Variants in RFX2 observed in about 807,000 individuals in gnomAD.
RFX2 encodes regulatory factor X2.
Under a neutral mutation model 87.8 loss-of-function variants are expected in RFX2, and 20 were observed. That is an observed-to-expected ratio of 0.23 (90% CI 0.16 to 0.33). RFX2 has a LOEUF of 0.33. RFX2 is among the 10% of genes least tolerant of loss of function. The pLI is 1.00. For synonymous variants in RFX2, 397 were observed against 431.3 expected, an observed-to-expected ratio of 0.92 and a Z score of 0.98; for missense variants, 767 against 1,012.3, an observed-to-expected ratio of 0.76 and a Z score of 3.29.
intron 1 of RFX2, among the ~76,000 whole-genome samples, chr19:6,059,734 C>G (rs1421087640): frequency 6.6e-6 from 1 of 151,592 alleles, no homozygotes; most frequent in East Asian, 1.9e-4. Flanking sequence ...TACACATATA[C>G]ACAAACACAC....
In RFX2 at chr19:6,010,209, G is replaced by A; in HGVS notation, c.942C>T (p.Gly314=). ...AQKTDSLGDS[G]SHSGLHSTPE... Reference sequence around the variant, plus strand: ...GAGTGCTGTGCAGGCCGCTGTGGGAGCCGCTGTCCCCGAGGCTGTCCGTCT... The same window carrying A: ...GAGTGCTGTGCAGGCCGCTGTGGGAACCGCTGTCCCCGAGGCTGTCCGTCT... The change falls in exon 9 of 18, where the codon GGC becomes GGT. Residue 314 remains glycine (G), a synonymous_variant. Transcript: ENST00000303657. This position sits in a 1 kb window ranked among gnomAD's most constrained non-coding sequence, Gnocchi z 5.0. The A allele has an allele frequency of 1.9e-6, 3 of 1,548,494 alleles. No individual in the cohort carries two copies. Among genetic ancestry groups the A allele is most frequent in the Non-Finnish European group, 2.6e-6 (3 of 1,146,986 alleles).
intron 1 of RFX2, among the ~76,000 whole-genome samples, chr19:6,085,632 G>A (rs2144869593): frequency 6.6e-6 from 1 of 152,250 alleles, no homozygotes; most frequent in Non-Finnish European, 1.5e-5. Context: ...TAATCCTTCT[G>A]TTTTTCCTTT....
Position 5,997,356 on chromosome 19 carries a change from C to G in RFX2, c.1860-143G>C, listed in dbSNP as rs1466112072. 2 of 975,122 alleles carry G rather than the reference C, an allele frequency of 2.1e-6. No homozygotes were observed. The highest frequency in any genetic ancestry group is 1.7e-5 in the African/African-American group (1 of 60,308). 60.4% of individuals were successfully genotyped at this position (975,122 alleles called of 1,614,324 possible). ...CTGAGTGATCCTAAGACGTGCAGGC[C>G]TACGCGGGGGCTGACGGGCTGCCGA... On this transcript the variant is annotated intron_variant, in intron 15 of 17. Transcript: ENST00000303657. The surrounding 1 kb of genome is among the most constrained non-coding windows in gnomAD (Gnocchi z 4.2).
chr19:6,037,846 A>C (rs2087045154), intron 5 of RFX2, among the ~76,000 whole-genome samples: 1 of 152,212 alleles, frequency 6.6e-6, no homozygotes, highest in Non-Finnish European at 1.5e-5. Context: ...CTCTGAAATA[A>C]ACCCACACAC....
At position 5,997,232 on chromosome 19, in the gene RFX2, A is replaced by G. The variant is rs2086425689; in HGVS notation, c.1860-19T>C. 6.2e-7 allele frequency: 1 copy of G among 1,604,234 alleles called. No homozygotes were observed. Among genetic ancestry groups the G allele is most frequent in the African/African-American group, 1.3e-5 (1 of 74,882 alleles). On this transcript the variant is annotated intron_variant, in intron 15 of 17. Coordinates refer to ENST00000303657, the MANE Select transcript of RFX2 (RefSeq NM_000635.4). This position sits in a 1 kb window ranked among gnomAD's most constrained non-coding sequence, Gnocchi z 4.2. ...CATGGAGCTGGGGACAAGCGGACAGAGGCTGGGGACCCTCAGGGGAGCATG... is the reference window on the plus strand; with the variant it reads ...CATGGAGCTGGGGACAAGCGGACAGGGGCTGGGGACCCTCAGGGGAGCATG...
chr19:6,107,294 T>TCAAA (rs796259195), intron 1 of RFX2, among the ~76,000 whole-genome samples: 89 of 145,978 alleles, frequency 6.1e-4, no homozygotes, highest in Admixed American at 7.6e-4. Context: ...AGACTCTGTC[T>TCAAA]CAAACAAACA....
chr19:6,008,461 C>T (rs1290910932), intron 9 of RFX2, among the ~76,000 whole-genome samples: 1 of 151,358 alleles, frequency 6.6e-6, no homozygotes, highest in African/African-American at 2.4e-5. Flanking sequence ...CAACCTCCAG[C>T]TCCTGGGATC....
rs571315602 is a variant in RFX2 at position 6,020,936 on chromosome 19, C to A, written c.598-4665G>T. 6.6e-6 allele frequency among the ~76,000 whole-genome samples: 1 copy of A among 152,172 alleles called. No individual in the cohort carries two copies. Among genetic ancestry groups the A allele is most frequent in the East Asian group, 1.9e-4 (1 of 5,194 alleles). ...ATCATTCCTTTTAAGGAAAAAAAATCCCGAAATGCCAGCGCCTCCCTCTCC... is the reference window on the plus strand; with the variant it reads ...ATCATTCCTTTTAAGGAAAAAAAATACCGAAATGCCAGCGCCTCCCTCTCC... On this transcript the variant is annotated intron_variant, in intron 6 of 17. Transcript: ENST00000303657. This position sits in a 1 kb window ranked among gnomAD's most constrained non-coding sequence, Gnocchi z 5.3.
In RFX2 at chr19:6,088,211, C is replaced by CTTTTT. The variant is rs1030226963; in HGVS notation, c.-9+22177_-9+22181dup. 7.2e-4 allele frequency among the ~76,000 whole-genome samples: 61 copies of CTTTTT among 84,404 alleles called. 1 individual carries two copies. Among genetic ancestry groups the CTTTTT allele is most frequent in the African/African-American group, 1.9e-3 (39 of 20,846 alleles). The allele number at this position is 84,404 out of a possible 152,430, so 55.4% of individuals were successfully genotyped here. On this transcript the variant is annotated intron_variant, in intron 1 of 17. Transcript: ENST00000303657. ...ACAGAGAAGGGCCAGGGCACTACAG[C>CTTTTT]TTTTTTTTTTTTTTTTTTTTTTTTT... is the stretch of plus-strand genomic sequence containing the variant.
At position 5,994,842 on chromosome 19, in the gene RFX2, C is replaced by T. The variant is rs750934370; in HGVS notation, c.2165G>A (p.Gly722Asp). 25 of 1,607,188 alleles carry T rather than the reference C, an allele frequency of 1.6e-5. No homozygotes were observed. Among genetic ancestry groups the T allele is most frequent in the South Asian group, 1.4e-4 (13 of 90,994 alleles). The change falls in exon 18 of 18, where the codon GGC becomes GAC. Residue 722 changes from glycine (G) to aspartate (D), a missense_variant. Physicochemically the swap from Gly to Asp is moderately conservative, Grantham distance 94. Transcript: ENST00000303657. ...AGGCGCCGGCCGGGGCTGCTAGATG[C>T]CCTGCAGGGAGTGGTTGGGGTCACT... ...ERSDPNHSLQ[G>D]I
intron 12 of RFX2, among the ~76,000 whole-genome samples, chr19:6,005,405 C>T (rs1157413518): frequency 6.6e-6 from 1 of 152,250 alleles, no homozygotes; most frequent in Non-Finnish European, 1.5e-5. Context: ...GGGGCATGGC[C>T]TGTGGTCCTG....
chr19:6,006,224 G>A (rs1188421146), intron 12 of RFX2, among the ~76,000 whole-genome samples: 2 of 152,170 alleles, frequency 1.3e-5, no homozygotes, highest in East Asian at 1.9e-4. Context: ...GCAGTGGTGC[G>A]ATCATAGCTT....
chr19:5,996,086 G>C (rs988137970), intron 16 of RFX2, among the ~76,000 whole-genome samples: 6 of 152,240 alleles, frequency 3.9e-5, no homozygotes, highest in Admixed American at 1.3e-4. Context: ...TACACGTTGC[G>C]GGGCCCTGGC....
At chr19:6,029,526 T>C (rs765040165) in intron 5 of RFX2, among the ~76,000 whole-genome samples, 13 of 152,148 alleles carry the variant, frequency 8.5e-5, no homozygotes, top group Non-Finnish European at 1.3e-4. Flanking sequence ...CTGGCCAACA[T>C]GGTGAAACCC....
At chr19:6,105,113 T>A in intron 1 of RFX2, among the ~76,000 whole-genome samples, 1 of 135,794 alleles carries the variant, frequency 7.4e-6, no homozygotes. Context: ...TGAGACTCCG[T>A]CTCACAAAAA....
chr19:6,100,049 T>C (rs1166681421), intron 1 of RFX2, among the ~76,000 whole-genome samples: 1 of 152,162 alleles, frequency 6.6e-6, no homozygotes, highest in African/African-American at 2.4e-5. Flanking sequence ...CTAGTTTATA[T>C]TTTCCAACTT....
intron 1 of RFX2, among the ~76,000 whole-genome samples, chr19:6,076,138 G>T (rs112024433): frequency 6.6e-6 from 1 of 152,140 alleles, no homozygotes; most frequent in Admixed American, 6.5e-5. Context: ...TCATGAGTTC[G>T]AGAGCAGCCT....
Position 6,006,995 on chromosome 19 carries a change from G to T in RFX2, c.1402+17C>A, listed in dbSNP as rs760443273. ...GAGAGGATGGAGCAGCGCCGGGCGGGGCCGTGGGTCACTTACTGGGGACCG... is the reference window on the plus strand; with the variant it reads ...GAGAGGATGGAGCAGCGCCGGGCGGTGCCGTGGGTCACTTACTGGGGACCG... On this transcript the variant is annotated intron_variant, in intron 12 of 17. Transcript: ENST00000303657. The T allele has an allele frequency of 6.2e-7, 1 of 1,613,202 alleles. No homozygotes were observed.
At chr19:6,076,737 A>G (rs1375210787) in intron 1 of RFX2, among the ~76,000 whole-genome samples, 1 of 152,354 alleles carries the variant, frequency 6.6e-6, no homozygotes, top group East Asian at 1.9e-4. Context: ...GCAGATTTAA[A>G]TATCTGAAAC....
Sources: gnomAD v4.1 joint callset for allele counts (sites outside exome capture counted in the v4.1 genomes callset) on GRCh38, gnomAD v4.1.1 for gene constraint, Gnocchi (gnomAD v3.1) non-coding constraint, MANE v1.5 for transcripts, NCBI Gene and HGNC (gene_info 2026-07-23, HGNC 2026-07-21) for gene names.